SLMAP: variants seen among roughly 807,000 people sequenced by gnomAD.
SLMAP encodes the protein sarcolemmal membrane-associated protein.
In SLMAP, 44 loss-of-function variants were observed where a neutral mutation model predicts 128.8. The observed-to-expected ratio is 0.34, with a 90% CI of 0.27 to 0.44. SLMAP has a LOEUF of 0.44. Ranked by LOEUF, SLMAP falls within the 20% of genes least tolerant of loss-of-function variation. The pLI is 1.00. For synonymous variants in SLMAP, 327 were observed against 348.8 expected, an observed-to-expected ratio of 0.94 and a Z score of 0.70; for missense variants, 787 against 985.3, an observed-to-expected ratio of 0.80 and a Z score of 2.69.
At chr3:57,852,948 A>C (rs1476779254) in intron 6 of SLMAP, among the ~76,000 whole-genome samples, 1 of 152,218 alleles carries the variant, frequency 6.6e-6, no homozygotes, top group Non-Finnish European at 1.5e-5. Flanking sequence ...GTAAATTGTG[A>C]ACATTTTAAG....
At chr3:57,890,378 A>C (rs2096030061) in intron 15 of SLMAP, 1 of 300,266 alleles carries the variant, frequency 3.3e-6, no homozygotes, top group African/African-American at 2.2e-5. Flanking sequence ...GATTTGTTGC[A>C]ATCTCTGTCA....
intron 2 of SLMAP, among the ~76,000 whole-genome samples, chr3:57,783,120 A>G (rs775502022): frequency 4.6e-5 from 7 of 152,242 alleles, no homozygotes; most frequent in Non-Finnish European, 7.3e-5. Context: ...CAGCTTTGGA[A>G]CTGGGTAATG....
At chr3:57,832,556 C>T (rs1242543023) in intron 3 of SLMAP, among the ~76,000 whole-genome samples, 1 of 152,130 alleles carries the variant, frequency 6.6e-6, no homozygotes, top group East Asian at 1.9e-4. Flanking sequence ...AGTTCCACTT[C>T]ATTAGTTTAA....
At chr3:57,760,236 G>C (rs1048828040) in intron 2 of SLMAP, among the ~76,000 whole-genome samples, 1 of 152,106 alleles carries the variant, frequency 6.6e-6, no homozygotes, top group Non-Finnish European at 1.5e-5. Context: ...CACCACACCC[G>C]GCCATGAAAT....
At chr3:57,782,558 C>T (rs1220808913) in intron 2 of SLMAP, among the ~76,000 whole-genome samples, 3 of 152,148 alleles carry the variant, frequency 2.0e-5, no homozygotes, top group Non-Finnish European at 4.4e-5. Flanking sequence ...CTACAACTTC[C>T]ACTTCCTGGG....
At chr3:57,914,527 A>G (rs1031468016) in intron 21 of SLMAP, among the ~76,000 whole-genome samples, 1 of 152,168 alleles carries the variant, frequency 6.6e-6, no homozygotes, top group African/African-American at 2.4e-5. Context: ...TATATGATAT[A>G]TATCATATAT....
At position 57,757,434 on chromosome 3, in the gene SLMAP, G is replaced by A. The variant is rs2077820123; in HGVS notation, c.-218G>A. On this transcript the variant is annotated 5_prime_UTR_variant, in exon 2 of 25. Transcript: ENST00000671191. ...CCAGTTGGGGACTTTTTGTGATCAC[G>A]GCGTTGCAGCGTTTTAAAGGAGGTG... 8.6e-6 allele frequency: 5 copies of A among 583,800 alleles called. No individual in the cohort carries two copies. The highest frequency in any genetic ancestry group is 1.5e-5 in the Non-Finnish European group (5 of 326,900). The allele number at this position is 583,800 out of a possible 1,614,324, so 36.2% of individuals were successfully genotyped here.
intron 23 of SLMAP, among the ~76,000 whole-genome samples, chr3:57,924,013 A>T (rs1031328568): frequency 6.6e-6 from 1 of 152,096 alleles, no homozygotes; most frequent in Non-Finnish European, 1.5e-5. Context: ...AGATTACATA[A>T]CTCTTCTAAA....
intron 2 of SLMAP, 82 bp from the exon 3 acceptor site, chr3:57,831,301 C>A: frequency 9.6e-7 from 1 of 1,038,288 alleles, no homozygotes; most frequent in Non-Finnish European, 1.3e-6. Flanking sequence ...GTTGGCAAAG[C>A]TGGAAGCATT....
At chr3:57,925,964 G>C in intron 24 of SLMAP, 30 bp downstream of exon 24, 1 of 1,454,410 alleles carries the variant, frequency 6.9e-7, no homozygotes, top group South Asian at 1.2e-5. Flanking sequence ...GTCCTTGTCT[G>C]TTTGTCCCCG....
chr3:57,898,467 A>G (rs956169407), intron 17 of SLMAP: 2 of 152,220 alleles, frequency 1.3e-5, no homozygotes, highest in East Asian at 1.9e-4. Context: ...TTGTAGGTAC[A>G]TAGTAGGTGT....
chr3:57,820,278 A>T (rs2092378432), intron 2 of SLMAP, among the ~76,000 whole-genome samples: 1 of 152,168 alleles, frequency 6.6e-6, no homozygotes, highest in Non-Finnish European at 1.5e-5. Context: ...AATAATTTTG[A>T]TATCCTTTGA....
chr3:57,906,317 T>TTTTTTTTTG lies in SLMAP; in HGVS notation c.1502-1559_1502-1558insGTTTTTTTT, dbSNP rs2096557594. ...ATTTTTTTCTTTTTTTTTCTTTTTTTTTTTTTTTTTTTTTTAGAGACACAG... is the reference window on the plus strand; with the variant it reads ...ATTTTTTTCTTTTTTTTTCTTTTTTTTTTTTTTTGTTTTTTTTTTTTTTTAGAGACACAG... On this transcript the variant is annotated intron_variant, in intron 17 of 24. Coordinates refer to ENST00000671191, the MANE Select transcript of SLMAP (RefSeq NM_001377540.1). 7.4e-5 allele frequency among the ~76,000 whole-genome samples: 9 copies of TTTTTTTTTG among 121,716 alleles called. 1 individual carries two copies. The highest frequency in any genetic ancestry group is 2.8e-4 in the African/African-American group (9 of 31,986). 79.9% of individuals were successfully genotyped at this position (121,716 alleles called of 152,430 possible). A position where few individuals can be genotyped will look rare whatever the true frequency, so the allele number is the denominator to read the frequency against.
In SLMAP at chr3:57,848,377, CTTCT is replaced by C. The variant is rs544546750; in HGVS notation, c.456+1151_456+1154del. 2.4e-3 allele frequency among the ~76,000 whole-genome samples: 357 copies of C among 150,312 alleles called. 1 individual carries two copies. The highest frequency in any genetic ancestry group is 3.6e-3 in the Non-Finnish European group (244 of 67,680). Reference sequence around the variant, plus strand: ...CTTTCTTCTTTCTTCCTCCTTCTGCCTTCTTTCTTTTTCCTTCTTATTCTTCTTT... The same window carrying C: ...CTTTCTTCTTTCTTCCTCCTTCTGCCTTCTTTTTCCTTCTTATTCTTCTTT... On this transcript the variant is annotated intron_variant, in intron 5 of 24. Coordinates refer to ENST00000671191, the MANE Select transcript of SLMAP (RefSeq NM_001377540.1).
At chr3:57,841,673 T>G (rs1487488140) in intron 4 of SLMAP, among the ~76,000 whole-genome samples, 1 of 152,172 alleles carries the variant, frequency 6.6e-6, no homozygotes, top group Non-Finnish European at 1.5e-5. Flanking sequence ...TATAAGTTAC[T>G]GGTAAGTGAT....
intron 14 of SLMAP, among the ~76,000 whole-genome samples, chr3:57,884,831 TA>T (rs1341591136): frequency 1.3e-5 from 2 of 151,750 alleles, no homozygotes; most frequent in Admixed American, 6.6e-5. Flanking sequence ...AATAAAAAAA[TA>T]AAAGTCTCCC....
At chr3:57,798,689 G>C (rs2087397127) in intron 2 of SLMAP, among the ~76,000 whole-genome samples, 1 of 152,154 alleles carries the variant, frequency 6.6e-6, no homozygotes, top group East Asian at 1.9e-4. Flanking sequence ...CTTAATCCCA[G>C]AAAGAGAAAT....
intron 14 of SLMAP, among the ~76,000 whole-genome samples, chr3:57,874,151 G>T (rs1333224787): frequency 6.6e-6 from 1 of 152,038 alleles, no homozygotes; most frequent in East Asian, 1.9e-4. Flanking sequence ...AATTATCCGG[G>T]AGTGATGGCA....
intron 17 of SLMAP, among the ~76,000 whole-genome samples, chr3:57,906,501 G>C (rs1305001052): frequency 6.8e-6 from 1 of 147,896 alleles, no homozygotes; most frequent in Admixed American, 6.8e-5. Context: ...ATTTTTAGTA[G>C]AGACGGGGTT....
Sources: allele counts gnomAD v4.1 joint callset (sites outside exome capture counted in the v4.1 genomes callset), GRCh38; gene constraint gnomAD v4.1.1; transcripts MANE v1.5; gene names NCBI Gene and HGNC (gene_info 2026-07-23, HGNC 2026-07-21).